Variants in ARSH observed in about 807,000 individuals in gnomAD.
ARSH encodes arylsulfatase family member H.
In ARSH, 32 loss-of-function variants were observed where a neutral mutation model predicts 28.7. The ratio of observed to expected loss-of-function variants is 1.11; its 90% CI spans 0.84 to 1.50. The LOEUF is 1.50. Ranked by LOEUF, ARSH falls within the 40% of genes most tolerant of loss-of-function variation. ARSH has a pLI of 0.00. For missense variants in ARSH, 440 were observed against 452.4 expected, an observed-to-expected ratio of 0.97 and a Z score of 0.25; for synonymous variants, 176 against 177.3, an observed-to-expected ratio of 0.99 and a Z score of 0.06.
At chrX:3,018,469 G>A (rs2089871883) in intron 4 of ARSH, 65 bp from the exon 5 acceptor site, 9 of 1,113,945 alleles carry the variant, frequency 8.1e-6, no homozygotes, top group African/African-American at 1.8e-5. Flanking sequence ...GTGCAGAATC[G>A]CATTTAAATG....
rs749206552 is a variant in ARSH, at chrX:3,010,027, C to T, written c.93-3C>T. The stretch of plus-strand genomic sequence containing the variant: ...ACCTGCTGAATTCTTCTTTGGTCTG[C>T]AGCACACCTAATATTGACCGCCTGG... On this transcript the variant is annotated splice_region_variant and splice_polypyrimidine_tract_variant and intron_variant, in intron 1 of 8. Transcript: ENST00000381130. 5.8e-6 allele frequency: 7 copies of T among 1,210,038 alleles called. No homozygotes were observed. Among genetic ancestry groups the T allele is most frequent in the Non-Finnish European group, 7.8e-6 (7 of 894,465 alleles).
intron 8 of ARSH, among the ~76,000 whole-genome samples, chrX:3,031,712 G>A (rs947911405): frequency 1.8e-5 from 2 of 111,581 alleles, no homozygotes; most frequent in South Asian, 3.8e-4. Flanking sequence ...AAACAGCCCC[G>A]TAAACAGCAC....
intron 5 of ARSH, among the ~76,000 whole-genome samples, chrX:3,019,648 C>T (rs1202945137): frequency 9.0e-6 from 1 of 111,076 alleles, no homozygotes; most frequent in Non-Finnish European, 1.9e-5. Context: ...GGTGCTCTGC[C>T]GAACCATTGA....
intron 4 of ARSH, among the ~76,000 whole-genome samples, chrX:3,016,965 G>A (rs764191015): frequency 1.8e-5 from 2 of 110,701 alleles, no homozygotes; most frequent in South Asian, 7.8e-4. Context: ...AGTGGGGTTG[G>A]CAGGGAGTGG....
intron 8 of ARSH, among the ~76,000 whole-genome samples, chrX:3,029,999 T>C (rs7055072): frequency 0.025 from 2,826 of 111,900 alleles, 39 homozygotes; most frequent in African/African-American, 0.05. Flanking sequence ...CTCCCACAGG[T>C]GTGACCCACC....
At chrX:3,030,777 C>A (rs1232967979) in intron 8 of ARSH, among the ~76,000 whole-genome samples, 1 of 111,152 alleles carries the variant, frequency 9.0e-6, no homozygotes, top group Admixed American at 9.6e-5. Flanking sequence ...GGGACAGAGC[C>A]AAACCATATC....
At position 3,015,038 on chromosome X, in the gene ARSH, T is replaced by G; in HGVS notation, c.409T>G (p.Phe137Val). The change falls in exon 4 of 9, where the codon TTT (phenylalanine) becomes GTT (valine). Residue 137 changes from phenylalanine to valine, a missense_variant. By Grantham distance (50) the Phe-to-Val change is conservative (BLOSUM62 -1). Transcript: ENST00000381130. ...DHCYHPLNHG[F>V]HYFYGVPFGL... The stretch of plus-strand genomic sequence containing the variant: ...CTGTTACCACCCGCTCAACCATGGT[T>G]TTCACTACTTTTACGGGGTGCCTTT... 8.3e-7 allele frequency: 1 copy of G among 1,211,041 alleles called. No individual in the cohort carries two copies. The highest frequency in any genetic ancestry group is 3.0e-5 in the East Asian group (1 of 33,815).
chrX:3,021,638 C>T (rs970891378), intron 5 of ARSH, among the ~76,000 whole-genome samples: 15 of 109,684 alleles, frequency 1.4e-4, no homozygotes, highest in Admixed American at 5.9e-4. Context: ...AATGAATCTT[C>T]GGGAATTCAG....
chrX:3,022,275 C>A (rs1376559155), intron 5 of ARSH, among the ~76,000 whole-genome samples: 2 of 111,562 alleles, frequency 1.8e-5, no homozygotes, highest in African/African-American at 6.5e-5. Flanking sequence ...TATACTATAG[C>A]CAGATCTAAT....
Position 3,033,472 on chromosome X carries a change from T to G in ARSH, c.*87T>G. On this transcript the variant is annotated 3_prime_UTR_variant, in exon 9 of 9. Transcript: ENST00000381130. ...GCTCACCTGACTGATTCATTCCATT[T>G]GGGATAAAAACTGATGGCCCAACCC... is the stretch of plus-strand genomic sequence containing the variant. 1 of 1,004,010 alleles carries G rather than the reference T, an allele frequency of 1.0e-6. No individual in the cohort carries two copies. Among genetic ancestry groups the G allele is most frequent in the African/African-American group, 1.9e-5 (1 of 52,627 alleles). The allele number at this position is 1,004,010 out of a possible 1,213,427, so 82.7% of individuals were successfully genotyped here. A position where few individuals can be genotyped will look rare whatever the true frequency, so the allele number is the denominator to read the frequency against.
At position 3,015,030 on chromosome X, in the gene ARSH, A is replaced by G. The variant is rs1457688202; in HGVS notation, c.401A>G (p.Asn134Ser). ...AATGATCACTGTTACCACCCGCTCA[A>G]CCATGGTTTTCACTACTTTTACGGG... ...SRNDHCYHPL[N>S]HGFHYFYGVP... Residue 134 changes from asparagine (N) to serine (S), a missense_variant, in exon 4 of 9, where the codon AAC becomes AGC. Transcript: ENST00000381130. The G allele has an allele frequency of 8.3e-6, 10 of 1,209,293 alleles. No individual in the cohort carries two copies. The highest frequency in any genetic ancestry group is 5.3e-5 in the African/African-American group (3 of 56,990).
At chrX:3,032,484 G>A (rs2089917140) in intron 8 of ARSH, among the ~76,000 whole-genome samples, 1 of 101,626 alleles carries the variant, frequency 9.8e-6, no homozygotes, top group African/African-American at 3.6e-5. Context: ...AGGAGGGAGC[G>A]AGGGAGGGAG....
chrX:3,026,307 A>C (rs1394660216), intron 6 of ARSH, among the ~76,000 whole-genome samples: 1 of 110,779 alleles, frequency 9.0e-6, no homozygotes, highest in Non-Finnish European at 1.9e-5. Flanking sequence ...GTCTTAATTA[A>C]AAAAAATAAA....
At chrX:3,028,107 A>G (rs1022665239) in intron 7 of ARSH, among the ~76,000 whole-genome samples, 1 of 112,295 alleles carries the variant, frequency 8.9e-6, no homozygotes, top group Non-Finnish European at 1.9e-5. Flanking sequence ...TGTTTCAAAC[A>G]AAAACAAAAA....
intron 8 of ARSH, among the ~76,000 whole-genome samples, chrX:3,032,047 C>T (rs2089915423): frequency 9.0e-6 from 1 of 111,659 alleles, no homozygotes; most frequent in East Asian, 2.8e-4. Flanking sequence ...CACAGCTTCT[C>T]TGCAAGACCC....
In ARSH at chrX:3,007,959, C is replaced by T. The variant is rs780827294; in HGVS notation, c.92+1255C>T. ...TTGGATAAGGGTCCACTTTAACGAC[C>T]TCATGCTACCTTAATCACCTCTATA... On this transcript the variant is annotated intron_variant, in intron 1 of 8. Coordinates refer to ENST00000381130, the MANE Select transcript of ARSH (RefSeq NM_001011719.2). Among the ~76,000 whole-genome samples the T allele has an allele frequency of 6.3e-5, 7 of 111,504 alleles. No individual in the cohort carries two copies. The South Asian group carries it at 2.7e-3, about 42-fold the overall frequency.
chrX:3,019,380 G>A (rs1169501764), intron 5 of ARSH, among the ~76,000 whole-genome samples: 2 of 111,559 alleles, frequency 1.8e-5, no homozygotes, highest in South Asian at 7.5e-4. Flanking sequence ...AGAAAATTGG[G>A]ATGGGGATTT....
rs377679600 is a variant in ARSH at position 3,024,081 on chromosome X, C to T, written c.962C>T (p.Thr321Ile). ...GCCAACCACACCTTGGTGTACTTCA[C>T]CTCTGACAACGGGGGCCACCTGGAG... ...RLANHTLVYFTSDNGGHLEPL... is the reference protein window; with the variant it reads ...RLANHTLVYFISDNGGHLEPL... Residue 321 changes from threonine to isoleucine, a missense_variant, in exon 6 of 9, where the codon ACC (threonine) becomes ATC (isoleucine). Coordinates refer to ENST00000381130, the MANE Select transcript of ARSH (RefSeq NM_001011719.2). The T allele has an allele frequency of 3.3e-6, 4 of 1,208,651 alleles. No homozygotes were observed. Among genetic ancestry groups the T allele is most frequent in the Admixed American group, 2.2e-5 (1 of 45,553 alleles).
intron 5 of ARSH, 26 bp downstream of exon 5, chrX:3,018,696 A>T: frequency 8.3e-7 from 1 of 1,203,942 alleles, no homozygotes; most frequent in Non-Finnish European, 1.1e-6. Flanking sequence ...CAGAACTGTA[A>T]ATATCTGAAG....
Sources: gnomAD v4.1 joint callset for allele counts (sites outside exome capture counted in the v4.1 genomes callset) on GRCh38, gnomAD v4.1.1 for gene constraint, MANE v1.5 for transcripts, NCBI Gene and HGNC (gene_info 2026-07-23, HGNC 2026-07-21) for gene names.